Variants in DLGAP2 observed in about 807,000 individuals in gnomAD.
DLGAP2 encodes the protein DLG associated protein 2.
A neutral mutation model predicts 100.3 loss-of-function variants in DLGAP2; 26 were observed. That is an observed-to-expected ratio of 0.26 (90% confidence interval 0.19 to 0.36). The LOEUF (loss-of-function observed/expected upper bound fraction) is 0.36, where lower values mean the gene tolerates loss of function less well. Ranked by LOEUF, DLGAP2 falls within the 10% of genes least tolerant of loss-of-function variation. The pLI, the probability that DLGAP2 is intolerant of heterozygous loss-of-function variation, is 1.00. For missense variants in DLGAP2, 1,858 were observed against 1,453.2 expected, an observed-to-expected ratio of 1.28 and a Z score of -4.53; for synonymous variants, 886 against 630.1, an observed-to-expected ratio of 1.41 and a Z score of -6.08.
chr8:1,670,976 G>C (rs1382059670), intron 10 of DLGAP2, among the ~76,000 whole-genome samples: 1 of 152,228 alleles, frequency 6.6e-6, no homozygotes. Context: ...GCTGGGACAA[G>C]AGTGAGCAGG....
At chr8:1,145,049 C>A (rs1008356446) in intron 2 of DLGAP2, among the ~76,000 whole-genome samples, 1 of 152,214 alleles carries the variant, frequency 6.6e-6, no homozygotes, top group African/African-American at 2.4e-5. Flanking sequence ...TTAATATTCA[C>A]CTAGATGCAA....
At chr8:855,341 A>G (rs1420548974) in intron 1 of DLGAP2, among the ~76,000 whole-genome samples, 4 of 152,152 alleles carry the variant, frequency 2.6e-5, no homozygotes, top group Non-Finnish European at 4.4e-5. Flanking sequence ...GTGTACGGTC[A>G]GGAGCGTTCT....
At chr8:1,100,240 T>C (rs1804531590) in intron 2 of DLGAP2, among the ~76,000 whole-genome samples, 2 of 150,508 alleles carry the variant, frequency 1.3e-5, no homozygotes, top group Non-Finnish European at 3.0e-5. Flanking sequence ...GTCCAGCATG[T>C]CCACAGTGGA....
intron 2 of DLGAP2, among the ~76,000 whole-genome samples, chr8:1,209,169 A>G (rs1465639735): frequency 2.6e-5 from 4 of 152,194 alleles, no homozygotes; most frequent in African/African-American, 9.7e-5. Flanking sequence ...TTCATATGGA[A>G]CCAAAAAAGA....
chr8:1,464,391 G>A (rs66489805), intron 3 of DLGAP2, among the ~76,000 whole-genome samples: 1,815 of 37,214 alleles, frequency 0.049, 49 homozygotes, highest in East Asian at 0.11. Flanking sequence ...GCACCCTTCC[G>A]GAATGGCATC....
chr8:1,661,142 C>A (rs1297420894), intron 8 of DLGAP2, among the ~76,000 whole-genome samples: 10 of 152,200 alleles, frequency 6.6e-5, no homozygotes, highest in Admixed American at 6.5e-4. Context: ...AAATAGAAAT[C>A]CTTTTCAAAG....
chr8:745,675 C>CAGCAGT (rs1426508762), intron 1 of DLGAP2, among the ~76,000 whole-genome samples: 3 of 152,142 alleles, frequency 2.0e-5, no homozygotes, highest in African/African-American at 7.2e-5. Context: ...TATTGGAAAA[C>CAGCAGT]AGCAGTAACA....
At chr8:846,312 C>A (rs1297626772) in intron 1 of DLGAP2, among the ~76,000 whole-genome samples, 1 of 152,214 alleles carries the variant, frequency 6.6e-6, no homozygotes, top group Non-Finnish European at 1.5e-5. Context: ...TACCCAACCT[C>A]TGGTAACCAC....
chr8:1,010,201 G>A (rs138492747), intron 2 of DLGAP2, among the ~76,000 whole-genome samples: 6 of 152,074 alleles, frequency 3.9e-5, no homozygotes, highest in African/African-American at 1.4e-4. Context: ...GCATGCACAT[G>A]TGCACACTCA....
intron 3 of DLGAP2, among the ~76,000 whole-genome samples, chr8:1,474,272 C>T (rs750641193): frequency 1.2e-4 from 19 of 152,032 alleles, no homozygotes; most frequent in Non-Finnish European, 2.1e-4. Flanking sequence ...TTTCTTTATC[C>T]ACTTATTGAT....
intron 2 of DLGAP2, among the ~76,000 whole-genome samples, chr8:1,177,979 C>CGAT (rs1563233380): frequency 6.6e-6 from 1 of 152,240 alleles, no homozygotes; most frequent in East Asian, 1.9e-4. Context: ...AACACAGCAT[C>CGAT]TCCCGGTGAA....
intron 1 of DLGAP2, among the ~76,000 whole-genome samples, chr8:836,111 G>A (rs551863541): frequency 2.6e-5 from 4 of 152,336 alleles, no homozygotes; most frequent in Non-Finnish European, 4.4e-5. Flanking sequence ...CAGCTGTGTT[G>A]TTCCTGAACG....
Position 1,704,819 on chromosome 8 carries a change from A to G in DLGAP2, c.*3413A>G, listed in dbSNP as rs1158354582. On this transcript the variant is annotated 3_prime_UTR_variant, in exon 15 of 15. Coordinates refer to ENST00000637795, the MANE Select transcript of DLGAP2 (RefSeq NM_001346810.2). ...CTCAGTGACCTACTACGCAGAGGGA[A>G]TTTTTCCCTGCTGCTTCTTATGAAA... 1 of 152,076 alleles carries G rather than the reference A, an allele frequency of 6.6e-6. No individual in the cohort carries two copies. Among genetic ancestry groups the G allele is most frequent in the Non-Finnish European group, 1.5e-5 (1 of 68,016 alleles). The allele number at this position is 152,076 out of a possible 1,614,324, so 9.4% of individuals were successfully genotyped here. A position where few individuals can be genotyped will look rare whatever the true frequency, so the allele number is the denominator to read the frequency against.
intron 2 of DLGAP2, among the ~76,000 whole-genome samples, chr8:978,494 G>C (rs201765883): frequency 0.023 from 905 of 39,284 alleles, no homozygotes; most frequent in African/African-American, 0.027. Flanking sequence ...TGAGGTGCTG[G>C]GTTCTGGTCT....
intron 3 of DLGAP2, among the ~76,000 whole-genome samples, chr8:1,374,923 C>G (rs1056796151): frequency 1.8e-4 from 27 of 152,152 alleles, no homozygotes; most frequent in Non-Finnish European, 3.1e-4. Context: ...AAGCCCAATA[C>G]GACAGCCAGG....
At chr8:1,264,347 C>G (rs1369099975) in intron 3 of DLGAP2, among the ~76,000 whole-genome samples, 1 of 152,102 alleles carries the variant, frequency 6.6e-6, no homozygotes, top group Non-Finnish European at 1.5e-5. Flanking sequence ...AATTGAGCCC[C>G]TTGAATCAAA....
At chr8:876,317 G>A (rs1264177345) in intron 1 of DLGAP2, among the ~76,000 whole-genome samples, 1 of 152,104 alleles carries the variant, frequency 6.6e-6, no homozygotes, top group East Asian at 1.9e-4. Flanking sequence ...AGGTTGATCT[G>A]CTAGCAATAA....
At chr8:1,278,976 G>T (rs953181823) in intron 3 of DLGAP2, among the ~76,000 whole-genome samples, 1 of 152,168 alleles carries the variant, frequency 6.6e-6, no homozygotes, top group African/African-American at 2.4e-5. Context: ...TTTCAGTTAA[G>T]GTGAGGATAA....
chr8:1,002,190 C>T (rs1045482091), intron 2 of DLGAP2: 3 of 152,310 alleles, frequency 2.0e-5, no homozygotes. Flanking sequence ...GGGATTCCTT[C>T]CTGGTGCTCA....
Sources: gnomAD v4.1 joint callset for allele counts (sites outside exome capture counted in the v4.1 genomes callset) on GRCh38, gnomAD v4.1.1 for gene constraint, MANE v1.5 for transcripts, NCBI Gene and HGNC (gene_info 2026-07-23, HGNC 2026-07-21) for gene names.